The following PIP5K1B variants were observed in gnomAD, a reference collection of about 807,000 sequenced individuals.
PIP5K1B encodes the protein phosphatidylinositol-4-phosphate 5-kinase type 1 beta.
PIP5K1B carries 42 observed loss-of-function variants against 67.0 expected under a neutral mutation model. The ratio of observed to expected loss-of-function variants is 0.63; its 90% CI spans 0.49 to 0.81. PIP5K1B has a LOEUF of 0.81. Among genes scored for constraint, PIP5K1B ranks in the 30% least tolerant of loss-of-function variants. PIP5K1B has a pLI of 0.00. For synonymous variants in PIP5K1B, 214 were observed against 231.4 expected (o/e 0.92, Z 0.68); for missense variants, 459 against 646.3 (o/e 0.71, Z 3.14).
chr9:68,905,888 G>A (rs1587646559), intron 8 of PIP5K1B, among the ~76,000 whole-genome samples: 1 of 152,164 alleles, frequency 6.6e-6, no homozygotes, highest in African/African-American at 2.4e-5. Context: ...CTTCTGAGAG[G>A]TTTGGGGCCA....
chr9:68,726,966 A>T (rs1169191336), intron 1 of PIP5K1B, among the ~76,000 whole-genome samples: 1 of 151,504 alleles, frequency 6.6e-6, no homozygotes, highest in Non-Finnish European at 1.5e-5. Context: ...TCTTGTATTG[A>T]TTCTAGTAAA....
At chr9:68,823,196 C>T (rs1833815347) in intron 4 of PIP5K1B, among the ~76,000 whole-genome samples, 1 of 152,154 alleles carries the variant, frequency 6.6e-6, no homozygotes, top group East Asian at 1.9e-4. Flanking sequence ...TTAATTTCCT[C>T]TGCAACTTGA....
intron 4 of PIP5K1B, among the ~76,000 whole-genome samples, chr9:68,859,460 A>T (rs184094599): frequency 1.3e-5 from 2 of 152,348 alleles, no homozygotes; most frequent in Admixed American, 6.5e-5. Flanking sequence ...CCTGAATTAA[A>T]AATAGACTCT....
At chr9:68,762,290 GT>G (rs1191302853) in intron 2 of PIP5K1B, among the ~76,000 whole-genome samples, 1 of 2,524 alleles carries the variant, frequency 4.0e-4, no homozygotes, top group Non-Finnish European at 1.9e-3. Flanking sequence ...AAAGTTCATT[GT>G]GCAATTTTTT....
At chr9:68,711,098 G>A (rs1827369992) in intron 1 of PIP5K1B, among the ~76,000 whole-genome samples, 1 of 152,156 alleles carries the variant, frequency 6.6e-6, no homozygotes, top group South Asian at 2.1e-4. Context: ...GAGAAAAGGT[G>A]ATATTTAAGC....
chr9:68,861,904 T>TG (rs894145647), intron 4 of PIP5K1B, among the ~76,000 whole-genome samples: 3 of 116,326 alleles, frequency 2.6e-5, no homozygotes, highest in East Asian at 2.4e-4. Flanking sequence ...TGTTTTTTGT[T>TG]TTTTTTTTTT....
chr9:68,855,696 C>A (rs951132347), intron 4 of PIP5K1B, among the ~76,000 whole-genome samples: 1 of 152,140 alleles, frequency 6.6e-6, no homozygotes, highest in African/African-American at 2.4e-5. Flanking sequence ...CGTTCATCAC[C>A]CTTCTCTAAG....
At chr9:68,710,373 A>G (rs1404039128) in intron 1 of PIP5K1B, among the ~76,000 whole-genome samples, 2 of 151,648 alleles carry the variant, frequency 1.3e-5, no homozygotes, top group South Asian at 2.1e-4. Context: ...CTTCTGTTTT[A>G]TTTTTTTTCT....
At chr9:68,735,036 CA>C (rs1256731975) in intron 1 of PIP5K1B, among the ~76,000 whole-genome samples, 3 of 152,176 alleles carry the variant, frequency 2.0e-5, no homozygotes, top group East Asian at 3.8e-4. Context: ...GATTTAACAC[CA>C]ACCATTAAGA....
chr9:68,991,249 G>A lies in PIP5K1B; in HGVS notation c.1612G>A (p.Val538Ile), dbSNP rs775224955. The A allele has an allele frequency of 2.2e-5, 34 of 1,578,206 alleles. No homozygotes were observed. Among genetic ancestry groups the A allele is most frequent in the Non-Finnish European group, 2.6e-5 (30 of 1,147,334 alleles). Residue 538 changes from valine to isoleucine, a missense_variant, in exon 15 of 16, where the codon GTC becomes ATC. Coordinates refer to ENST00000265382, the MANE Select transcript of PIP5K1B (RefSeq NM_003558.4). ...GGATGACAATGCTTCTGTGCTTGAC[G>A]TCTATTTAGTAAGTAATTTTTTAGT... ...VQDDNASVLD[V>I]YL is the part of the protein sequence containing the mutation.
At chr9:68,768,744 A>G (rs760625533) in intron 2 of PIP5K1B, among the ~76,000 whole-genome samples, 4 of 152,246 alleles carry the variant, frequency 2.6e-5, no homozygotes, top group Non-Finnish European at 5.9e-5. Context: ...CTTTTCTGCA[A>G]GGGCAGCTGT....
intron 2 of PIP5K1B, among the ~76,000 whole-genome samples, chr9:68,787,582 A>G (rs1831698287): frequency 6.6e-6 from 1 of 151,834 alleles, no homozygotes; most frequent in African/African-American, 2.4e-5. Flanking sequence ...TCCTTAACAG[A>G]CCTTTCCTTG....
intron 1 of PIP5K1B, among the ~76,000 whole-genome samples, chr9:68,708,661 T>C (rs929420921): frequency 2.0e-5 from 3 of 152,156 alleles, no homozygotes; most frequent in African/African-American, 7.2e-5. Context: ...ATTCTGTTTT[T>C]AAAACAGGGT....
intron 2 of PIP5K1B, among the ~76,000 whole-genome samples, chr9:68,812,993 C>T (rs1021806937): frequency 1.5e-4 from 23 of 152,216 alleles, no homozygotes; most frequent in Admixed American, 6.5e-5. Context: ...CAGGGAGCAT[C>T]AGACTAACAT....
In PIP5K1B at chr9:68,934,689, G is replaced by T. The variant is rs143168412; in HGVS notation, c.1202-201G>T. ...ATTCTGATTTAAGTCAAGTCATTTT[G>T]GACAAATAATATAGCCAATTCATCG... On this transcript the variant is annotated intron_variant, in intron 12 of 15. Coordinates refer to ENST00000265382, the MANE Select transcript of PIP5K1B (RefSeq NM_003558.4). 2.6e-4 allele frequency among the ~76,000 whole-genome samples: 40 copies of T among 152,092 alleles called. No individual in the cohort carries two copies. In the East Asian group the frequency reaches 7.7e-3, roughly 29 times the overall value.
At chr9:68,966,817 A>C (rs1463651972) in intron 14 of PIP5K1B, 1 of 152,208 alleles carries the variant, frequency 6.6e-6, no homozygotes, top group Non-Finnish European at 1.5e-5. Context: ...TTATAGTAAC[A>C]CTTTGTTATA....
intron 14 of PIP5K1B, among the ~76,000 whole-genome samples, chr9:68,949,304 C>T (rs928133548): frequency 6.6e-6 from 1 of 152,170 alleles, no homozygotes; most frequent in Non-Finnish European, 1.5e-5. Context: ...GTGACTAGCT[C>T]CTACATCAGG....
chr9:68,768,668 C>G (rs111888046), intron 2 of PIP5K1B, among the ~76,000 whole-genome samples: 2,569 of 152,280 alleles, frequency 0.017, 60 homozygotes, highest in African/African-American at 0.058. Context: ...TAAGCATCCA[C>G]ATTTTTAAAA....
intron 12 of PIP5K1B, among the ~76,000 whole-genome samples, chr9:68,932,083 CAA>C (rs1827031637): frequency 6.6e-6 from 1 of 152,180 alleles, no homozygotes; most frequent in Admixed American, 6.5e-5. Flanking sequence ...TGATAAAGAA[CAA>C]AGAGTTACTT....
Sources: allele counts gnomAD v4.1 joint callset (sites outside exome capture counted in the v4.1 genomes callset), GRCh38; gene constraint gnomAD v4.1.1; transcripts MANE v1.5; gene names NCBI Gene and HGNC (gene_info 2026-07-23, HGNC 2026-07-21).